Variants in MARCHF7 observed in about 807,000 individuals in gnomAD.
MARCHF7 encodes the protein membrane associated ring-CH-type finger 7.
Under a neutral mutation model 76.5 loss-of-function variants are expected in MARCHF7, and 20 were observed. The ratio of observed to expected loss-of-function variants is 0.26; its 90% CI spans 0.18 to 0.38. The LOEUF is 0.38. Among genes scored for constraint, MARCHF7 ranks in the 10% least tolerant of loss-of-function variants. MARCHF7 has a pLI of 1.00. For missense variants in MARCHF7, 797 were observed against 812.9 expected (o/e 0.98, Z 0.24); for synonymous variants, 295 against 293.0 (o/e 1.01, Z -0.07).
intron 3 of MARCHF7, among the ~76,000 whole-genome samples, chr2:159,725,920 C>T (rs1014751181): frequency 5.9e-5 from 9 of 152,150 alleles, no homozygotes; most frequent in African/African-American, 1.7e-4. Context: ...AATCTTATCA[C>T]GGGTGTTTGG....
At chr2:159,743,749 A>AG (rs373531261) in intron 5 of MARCHF7, among the ~76,000 whole-genome samples, 50,659 of 150,250 alleles carry the variant, frequency 0.34, 8,717 homozygotes, top group South Asian at 0.44. Flanking sequence ...AAAAAAAAAA[A>AG]AGAGAGAATT....
At chr2:159,746,392 A>G (rs2125585373) in intron 6 of MARCHF7, among the ~76,000 whole-genome samples, 1 of 152,228 alleles carries the variant, frequency 6.6e-6, no homozygotes, top group Admixed American at 6.5e-5. Context: ...CTCAAGACCC[A>G]CACTTTGTTT....
intron 4 of MARCHF7, chr2:159,733,099 CATT>C (rs35003577): frequency 0.32 from 194,445 of 614,754 alleles, 32,168 homozygotes; most frequent in South Asian, 0.42. Context: ...TTACTGTTAC[CATT>C]ATTATTTCCT....
chr2:159,749,688 A>G (rs1360858042), intron 7 of MARCHF7, among the ~76,000 whole-genome samples: 1 of 151,818 alleles, frequency 6.6e-6, no homozygotes, highest in Non-Finnish European at 1.5e-5. Context: ...TGTTTCATTC[A>G]TAGGTAAATA....
At chr2:159,753,038 TAA>T (rs1705843470) in intron 8 of MARCHF7, among the ~76,000 whole-genome samples, 1 of 152,238 alleles carries the variant, frequency 6.6e-6, no homozygotes, top group African/African-American at 2.4e-5. Context: ...TATAGGATGG[TAA>T]AAAGACAAGG....
At chr2:159,752,086 A>G (rs1187082928) in intron 7 of MARCHF7, among the ~76,000 whole-genome samples, 1 of 152,252 alleles carries the variant, frequency 6.6e-6, no homozygotes, top group Admixed American at 6.5e-5. Flanking sequence ...TGAGAAAAAT[A>G]TAGATCTTAA....
At chr2:159,756,747 A>C (rs1425017975) in intron 8 of MARCHF7, among the ~76,000 whole-genome samples, 1 of 151,116 alleles carries the variant, frequency 6.6e-6, no homozygotes, top group Non-Finnish European at 1.5e-5. Context: ...AAAGATTCTT[A>C]AGTAGGACTA....
rs201616643 is a variant in MARCHF7, at chr2:159,748,734, T to C, written c.1444T>C (p.Ser482Pro). 2 of 1,614,190 alleles carry C rather than the reference T, an allele frequency of 1.2e-6. No individual in the cohort carries two copies. The highest frequency in any genetic ancestry group is 1.7e-6 in the Non-Finnish European group (2 of 1,180,038). The stretch of plus-strand genomic sequence containing the variant: ...AGGAATATCAGGGATTCTTCCTGGT[T>C]CCTTATTCCGGTTTGCAGTCCCTCC... ...NTGISGILPG[S>P]LFRFAVPPAL... The change falls in exon 7 of 12, where the codon TCC (serine) becomes CCC (proline). Residue 482 changes from serine to proline, a missense_variant. This residue lies in a region of MARCHF7 where 643 missense variants were observed against 631.5 expected (regional missense o/e 1.02). Transcript: ENST00000409175.
At chr2:159,733,335 T>C (rs541614451) in intron 4 of MARCHF7, 2 of 494,966 alleles carry the variant, frequency 4.0e-6, no homozygotes, top group East Asian at 3.0e-4. Flanking sequence ...CCTCCTGGGC[T>C]CAAGCAGTCC....
intron 4 of MARCHF7, among the ~76,000 whole-genome samples, chr2:159,731,764 A>G (rs1341931381): frequency 4.0e-5 from 6 of 151,668 alleles, no homozygotes; most frequent in Middle Eastern, 3.4e-3. Flanking sequence ...CAAAAAAAAA[A>G]TTCCATTTCT....
At chr2:159,720,315 C>T (rs796829184) in intron 3 of MARCHF7, among the ~76,000 whole-genome samples, 6 of 152,352 alleles carry the variant, frequency 3.9e-5, no homozygotes, top group African/African-American at 1.4e-4. Flanking sequence ...TGAGCCACTG[C>T]ACCCAGCCAT....
chr2:159,738,333 C>T (rs1017365521), intron 4 of MARCHF7, among the ~76,000 whole-genome samples: 1 of 152,204 alleles, frequency 6.6e-6, no homozygotes, highest in Admixed American at 6.5e-5. Context: ...GGTCAGAGCT[C>T]TTCCGTCCTT....
chr2:159,762,874 T>A lies in MARCHF7; in HGVS notation c.1894-6T>A, dbSNP rs902705200. 42 of 1,586,660 alleles carry A rather than the reference T, an allele frequency of 2.6e-5. No homozygotes were observed. The highest frequency in any genetic ancestry group is 3.4e-5 in the Non-Finnish European group (40 of 1,164,616). ...TTCTTTTCTCCTGTTTGCTTCCCTGTTGAAGGCTGAGTATGAGTTTATCAG... is the reference window on the plus strand; with the variant it reads ...TTCTTTTCTCCTGTTTGCTTCCCTGATGAAGGCTGAGTATGAGTTTATCAG... On this transcript the variant is annotated splice_region_variant and splice_polypyrimidine_tract_variant and intron_variant, in intron 9 of 11. Coordinates refer to ENST00000409175, the MANE Select transcript of MARCHF7 (RefSeq NM_001282805.2).
chr2:159,719,911 G>A (rs1701442745), intron 3 of MARCHF7, among the ~76,000 whole-genome samples: 1 of 152,196 alleles, frequency 6.6e-6, no homozygotes, highest in East Asian at 1.9e-4. Context: ...TTTGTCTGTA[G>A]TCGAGATGGA....
Position 159,748,728 on chromosome 2 carries a change from C to T in MARCHF7, c.1438C>T (p.Pro480Ser), listed in dbSNP as rs1367835134. Residue 480 changes from proline (P) to serine (S), a missense_variant, in exon 7 of 12, where the codon CCT (proline) becomes TCT (serine). Pro to Ser is a moderately conservative substitution (Grantham distance 74). This residue lies in a region of MARCHF7 where 643 missense variants were observed against 631.5 expected (regional missense o/e 1.02). Transcript: ENST00000409175. ...AAATACAGGAATATCAGGGATTCTT[C>T]CTGGTTCCTTATTCCGGTTTGCAGT... is the stretch of plus-strand genomic sequence containing the variant. ...GRNTGISGIL[P>S]GSLFRFAVPP... The T allele has an allele frequency of 6.2e-7, 1 of 1,614,172 alleles. No homozygotes were observed. The highest frequency in any genetic ancestry group is 1.1e-5 in the South Asian group (1 of 91,084).
At chr2:159,748,977 T>TA in intron 7 of MARCHF7, 74 bp downstream of exon 7, 9 of 677,886 alleles carry the variant, frequency 1.3e-5, no homozygotes, top group Non-Finnish European at 1.8e-5. Context: ...TTTTTTCTTT[T>TA]CTTTTTTTTT....
chr2:159,745,741 T>G, intron 5 of MARCHF7, 29 bp from the exon 6 acceptor site: 1 of 1,534,134 alleles, frequency 6.5e-7, no homozygotes, highest in Non-Finnish European at 8.9e-7. Flanking sequence ...AAGCTTTCTC[T>G]GAAATAAAAC....
chr2:159,739,960 G>T (rs1457650023), intron 4 of MARCHF7, among the ~76,000 whole-genome samples: 1 of 152,146 alleles, frequency 6.6e-6, no homozygotes, highest in Non-Finnish European at 1.5e-5. Flanking sequence ...AGAATCAAAT[G>T]AAATTCATTA....
At position 159,748,732 on chromosome 2, in the gene MARCHF7, G is replaced by C; in HGVS notation, c.1442G>C (p.Gly481Ala). 1 of 1,614,134 alleles carries C rather than the reference G, an allele frequency of 6.2e-7. No homozygotes were observed. The highest frequency in any genetic ancestry group is 2.2e-5 in the East Asian group (1 of 44,872). Residue 481 changes from glycine to alanine, a missense_variant, in exon 7 of 12, where the codon GGT becomes GCT. Coordinates refer to ENST00000409175, the MANE Select transcript of MARCHF7 (RefSeq NM_001282805.2). Reference protein sequence around the residue: ...RNTGISGILPGSLFRFAVPPA... With the variant: ...RNTGISGILPASLFRFAVPPA... ...ACAGGAATATCAGGGATTCTTCCTG[G>C]TTCCTTATTCCGGTTTGCAGTCCCT...
Sources: allele counts gnomAD v4.1 joint callset (sites outside exome capture counted in the v4.1 genomes callset), GRCh38; gene constraint gnomAD v4.1.1; regional missense constraint gnomAD v4.1.1; transcripts MANE v1.5; gene names NCBI Gene and HGNC (gene_info 2026-07-23, HGNC 2026-07-21).